The following TAFA2 variants were observed in gnomAD, a reference collection of about 807,000 sequenced individuals.
The protein encoded by TAFA2 is chemokine-like protein TAFA-2.
TAFA2 carries 7 observed loss-of-function variants against 18.8 expected under a neutral mutation model. That is an observed-to-expected ratio of 0.37 (90% CI 0.21 to 0.70). The LOEUF (loss-of-function observed/expected upper bound fraction) is 0.70, where lower values mean the gene tolerates loss of function less well. TAFA2 is among the 30% of genes least tolerant of loss of function. The pLI, the probability that TAFA2 is intolerant of heterozygous loss-of-function variation, is 0.53. For synonymous variants in TAFA2, 60 were observed against 54.2 expected (o/e 1.11, Z -0.47); for missense variants, 122 against 158.1 (o/e 0.77, Z 1.23).
At chr12:62,107,580 T>G (rs2136860126) in intron 1 of TAFA2, among the ~76,000 whole-genome samples, 1 of 152,318 alleles carries the variant, frequency 6.6e-6, no homozygotes, top group South Asian at 2.1e-4. Context: ...GATTATTTTC[T>G]TAAGTAAGGT....
At chr12:62,146,046 T>C (rs1157611270) in intron 1 of TAFA2, among the ~76,000 whole-genome samples, 3 of 152,150 alleles carry the variant, frequency 2.0e-5, no homozygotes, top group Non-Finnish European at 4.4e-5. Context: ...ACCCTACTCT[T>C]TCACTCCAGT....
intron 4 of TAFA2, among the ~76,000 whole-genome samples, chr12:61,710,784 T>A (rs910011445): frequency 6.6e-6 from 1 of 152,180 alleles, no homozygotes; most frequent in Admixed American, 6.6e-5. Flanking sequence ...CACATCATAC[T>A]AGGCCTCAGT....
intron 1 of TAFA2, among the ~76,000 whole-genome samples, chr12:62,121,323 G>A (rs1206811024): frequency 6.6e-6 from 1 of 152,100 alleles, no homozygotes; most frequent in East Asian, 1.9e-4. Context: ...TATTTAAAAA[G>A]TATAGTGCCA....
intron 1 of TAFA2, among the ~76,000 whole-genome samples, chr12:62,098,764 A>C (rs531861456): frequency 6.6e-6 from 1 of 152,322 alleles, no homozygotes; most frequent in South Asian, 2.1e-4. Flanking sequence ...CTGATATCGA[A>C]ATCCATCAGA....
intron 1 of TAFA2, among the ~76,000 whole-genome samples, chr12:62,155,555 G>A (rs1026098401): frequency 2.0e-5 from 3 of 152,000 alleles, no homozygotes; most frequent in Admixed American, 6.6e-5. Flanking sequence ...ATACTATAAG[G>A]CCATATCACC....
chr12:61,886,502 TGGGC>T (rs1875387226), intron 1 of TAFA2, among the ~76,000 whole-genome samples: 2 of 152,148 alleles, frequency 1.3e-5, no homozygotes, highest in African/African-American at 4.8e-5. Context: ...AAGAATACTC[TGGGC>T]TGTATTGCTT....
At chr12:62,211,377 G>A (rs144465735) in intron 1 of TAFA2, among the ~76,000 whole-genome samples, 5 of 152,180 alleles carry the variant, frequency 3.3e-5, no homozygotes, top group South Asian at 4.1e-4. Flanking sequence ...TCAGGACATC[G>A]AGACCATCTT....
rs968592017 is a variant in TAFA2 at position 61,916,955 on chromosome 12, C to T, written c.-1-49529G>A. 3.3e-5 allele frequency among the ~76,000 whole-genome samples: 5 copies of T among 152,268 alleles called. No homozygotes were observed. In the Middle Eastern group the frequency reaches 0.01, roughly 311 times the overall value. ...ATAGCTACATTAACTATGATAAGTT[C>T]ACTCACATCATTGTCATTCATGTCT... On this transcript the variant is annotated intron_variant, in intron 1 of 4. Transcript: ENST00000416284.
intron 1 of TAFA2, among the ~76,000 whole-genome samples, chr12:62,012,338 A>G (rs947586884): frequency 6.6e-6 from 1 of 150,492 alleles, no homozygotes; most frequent in East Asian, 2.0e-4. Flanking sequence ...TATCACTTCT[A>G]TTTTCCTTTA....
chr12:61,883,824 T>C (rs1875252573), intron 1 of TAFA2, among the ~76,000 whole-genome samples: 1 of 152,094 alleles, frequency 6.6e-6, no homozygotes, highest in African/African-American at 2.4e-5. Flanking sequence ...AATAAAAAAA[T>C]AGAAAACTAC....
intron 2 of TAFA2, among the ~76,000 whole-genome samples, chr12:61,759,847 A>G (rs555625628): frequency 5.9e-5 from 9 of 152,144 alleles, no homozygotes; most frequent in African/African-American, 1.4e-4. Context: ...TGGGATAATG[A>G]CATTGGGTAA....
At chr12:62,197,516 G>A (rs957031363), upstream of TAFA2, among the ~76,000 whole-genome samples, 1 of 152,062 alleles carries the variant, frequency 6.6e-6, no homozygotes, top group African/African-American at 2.4e-5. Flanking sequence ...GATGAGTTTT[G>A]ACACATGGGT....
At chr12:62,126,101 T>C (rs1326561927) in intron 1 of TAFA2, among the ~76,000 whole-genome samples, 2 of 152,124 alleles carry the variant, frequency 1.3e-5, no homozygotes, top group East Asian at 1.9e-4. Flanking sequence ...TATAAAATAA[T>C]TTGAAATATA....
intron 2 of TAFA2, among the ~76,000 whole-genome samples, chr12:61,781,515 T>A (rs1405334750): frequency 6.6e-6 from 1 of 151,804 alleles, no homozygotes; most frequent in Non-Finnish European, 1.5e-5. Context: ...CTGACATTGC[T>A]TTTCCATTTT....
At chr12:61,879,364 G>GC in intron 1 of TAFA2, 3 of 731,454 alleles carry the variant, frequency 4.1e-6, no homozygotes, top group Non-Finnish European at 6.9e-6. Flanking sequence ...TCCACCTCTG[G>GC]CCCCCGGGCC....
intron 1 of TAFA2, chr12:62,104,755 G>T (rs1869369400): frequency 2.2e-6 from 1 of 454,622 alleles, no homozygotes; most frequent in South Asian, 1.6e-5. Flanking sequence ...TGGTAATCGG[G>T]GTGACCATCG....
intron 1 of TAFA2, among the ~76,000 whole-genome samples, chr12:61,901,096 C>G (rs1054797278): frequency 3.9e-5 from 6 of 152,108 alleles, no homozygotes; most frequent in Non-Finnish European, 8.8e-5. Context: ...TTTCCATGAA[C>G]TTTACCAAAT....
chr12:62,256,584 A>T (rs1370844367), intron 1 of TAFA2, among the ~76,000 whole-genome samples: 5 of 152,246 alleles, frequency 3.3e-5, no homozygotes, highest in Non-Finnish European at 7.3e-5. Flanking sequence ...TAAATAACTT[A>T]GCCAAGGTTA....
chr12:61,914,936 G>A (rs1410611061), intron 1 of TAFA2, among the ~76,000 whole-genome samples: 1 of 152,208 alleles, frequency 6.6e-6, no homozygotes, highest in Non-Finnish European at 1.5e-5. Context: ...GCTAAGGCAG[G>A]CAGATAACCT....
Sources: allele counts gnomAD v4.1 joint callset (sites outside exome capture counted in the v4.1 genomes callset), GRCh38; gene constraint gnomAD v4.1.1; transcripts MANE v1.5; gene names NCBI Gene and HGNC (gene_info 2026-07-23, HGNC 2026-07-21).